The following SMAP1 variants were observed in gnomAD, a reference collection of about 807,000 sequenced individuals.
SMAP1 encodes small ArfGAP 1, also known as stromal membrane-associated protein 1.
A neutral mutation model predicts 58.5 loss-of-function variants in SMAP1; 24 were observed. The ratio of observed to expected loss-of-function variants is 0.41; its 90% CI spans 0.30 to 0.58. The LOEUF (loss-of-function observed/expected upper bound fraction) is 0.58. SMAP1 is among the 20% of genes least tolerant of loss of function. The pLI, the probability that SMAP1 is intolerant of heterozygous loss-of-function variation, is 0.29. For missense variants in SMAP1, 563 were observed against 566.3 expected, an observed-to-expected ratio of 0.99 and a Z score of 0.06; for synonymous variants, 216 against 196.6, an observed-to-expected ratio of 1.10 and a Z score of -0.82.
chr6:70,702,812 A>G (rs1227790339), intron 1 of SMAP1, among the ~76,000 whole-genome samples: 3 of 151,850 alleles, frequency 2.0e-5, no homozygotes, highest in Non-Finnish European at 4.4e-5. Context: ...TGTGTTTGTT[A>G]TAGAGACAGG....
intron 5 of SMAP1, among the ~76,000 whole-genome samples, chr6:70,795,815 G>A (rs919991824): frequency 1.3e-5 from 2 of 150,930 alleles, no homozygotes; most frequent in African/African-American, 4.9e-5. Flanking sequence ...TCAGCTCACT[G>A]CAACCTCCGC....
intron 6 of SMAP1, among the ~76,000 whole-genome samples, chr6:70,826,979 A>G (rs531266229): frequency 1.3e-5 from 2 of 151,172 alleles, no homozygotes; most frequent in South Asian, 2.1e-4. Flanking sequence ...AAAGAAAAAA[A>G]AAACCCCACA....
At chr6:70,770,121 G>A (rs955369541) in intron 3 of SMAP1, among the ~76,000 whole-genome samples, 3 of 151,902 alleles carry the variant, frequency 2.0e-5, no homozygotes, top group African/African-American at 7.3e-5. Flanking sequence ...GAGGTCAGCT[G>A]TTAGTCTGAT....
chr6:70,713,991 A>G (rs1190956602), intron 1 of SMAP1, among the ~76,000 whole-genome samples: 15 of 151,978 alleles, frequency 9.9e-5, no homozygotes, highest in Admixed American at 7.2e-4. Context: ...TCATTGTGTA[A>G]TGACCTTTTT....
intron 1 of SMAP1, chr6:70,694,195 TCTA>T (rs1196735583): frequency 3.2e-6 from 1 of 316,074 alleles, no homozygotes; most frequent in African/African-American, 2.3e-5. Context: ...TATAACTTGA[TCTA>T]CTGATGGATA....
At chr6:70,794,406 G>A (rs539009566) in intron 5 of SMAP1, among the ~76,000 whole-genome samples, 25 of 152,150 alleles carry the variant, frequency 1.6e-4, no homozygotes, top group Non-Finnish European at 3.7e-4. Context: ...GCCAGAATCA[G>A]AGTAGGTGAC....
At chr6:70,839,900 C>G (rs1770736825) in intron 7 of SMAP1, among the ~76,000 whole-genome samples, 1 of 152,116 alleles carries the variant, frequency 6.6e-6, no homozygotes, top group Non-Finnish European at 1.5e-5. Flanking sequence ...AATCAAAGGT[C>G]TCTTTCAGCT....
At chr6:70,790,705 C>G (rs1768313640) in intron 4 of SMAP1, among the ~76,000 whole-genome samples, 1 of 152,104 alleles carries the variant, frequency 6.6e-6, no homozygotes, top group Admixed American at 6.5e-5. Context: ...AACTTAATAA[C>G]AAGCAGATTG....
At chr6:70,744,891 T>C (rs533798255) in intron 2 of SMAP1, among the ~76,000 whole-genome samples, 1 of 152,350 alleles carries the variant, frequency 6.6e-6, no homozygotes, top group Non-Finnish European at 1.5e-5. Flanking sequence ...GGTATCTCAT[T>C]GTGGTTTTGA....
intron 1 of SMAP1, among the ~76,000 whole-genome samples, chr6:70,701,142 G>A (rs945435113): frequency 6.6e-6 from 1 of 152,096 alleles, no homozygotes; most frequent in Non-Finnish European, 1.5e-5. Context: ...TGCCCCAGCT[G>A]GTATCTCAGC....
intron 7 of SMAP1, among the ~76,000 whole-genome samples, chr6:70,841,112 T>C (rs552652798): frequency 7.9e-5 from 12 of 152,274 alleles, no homozygotes; most frequent in African/African-American, 2.9e-4. Flanking sequence ...TCAATGGGGC[T>C]CATTTTTAGA....
At chr6:70,856,716 G>A in intron 8 of SMAP1, 143 bp from the exon 9 acceptor site, 1 of 738,090 alleles carries the variant, frequency 1.4e-6, no homozygotes, top group East Asian at 2.8e-5. Context: ...GGGCTTGTAA[G>A]TGATCCTCTT....
chr6:70,728,291 T>C (rs1285210331), intron 1 of SMAP1, among the ~76,000 whole-genome samples: 1 of 152,168 alleles, frequency 6.6e-6, no homozygotes, highest in Non-Finnish European at 1.5e-5. Flanking sequence ...AAATATATCA[T>C]TTCTGTTTAC....
At chr6:70,750,666 G>A (rs991801958) in intron 2 of SMAP1, among the ~76,000 whole-genome samples, 4 of 152,138 alleles carry the variant, frequency 2.6e-5, no homozygotes, top group Admixed American at 2.6e-4. Context: ...GATGCTTTGG[G>A]CTGGTGATGT....
At chr6:70,821,124 G>A (rs1244820764) in intron 6 of SMAP1, among the ~76,000 whole-genome samples, 1 of 151,894 alleles carries the variant, frequency 6.6e-6, no homozygotes, top group Non-Finnish European at 1.5e-5. Context: ...AAATTAAGAG[G>A]ATTATTAAAA....
chr6:70,761,788 A>G (rs1449259912), intron 3 of SMAP1, among the ~76,000 whole-genome samples: 4 of 152,126 alleles, frequency 2.6e-5, no homozygotes, highest in Non-Finnish European at 1.5e-5. Flanking sequence ...TACTGGTTTT[A>G]TCCCCATTTT....
At chr6:70,744,832 CTGT>C (rs1258549643) in intron 2 of SMAP1, among the ~76,000 whole-genome samples, 1 of 152,208 alleles carries the variant, frequency 6.6e-6, no homozygotes, top group Non-Finnish European at 1.5e-5. Flanking sequence ...TCTCCAGCAC[CTGT>C]TGTTTCCTGA....
chr6:70,837,686 TTTTTTCTTC>T, intron 7 of SMAP1: 1 of 672,014 alleles, frequency 1.5e-6, no homozygotes, highest in Non-Finnish European at 1.9e-6. Context: ...TTTTTTACAT[TTTTTTCTTC>T]TAAAAGAATT....
At chr6:70,703,694 A>G (rs118005767) in intron 1 of SMAP1, among the ~76,000 whole-genome samples, 3,596 of 152,282 alleles carry the variant, frequency 0.024, 52 homozygotes, top group Non-Finnish European at 0.037. Flanking sequence ...ACGTGCACCA[A>G]TCAGTACTCA....
Sources: allele counts gnomAD v4.1 joint callset (sites outside exome capture counted in the v4.1 genomes callset), GRCh38; gene constraint gnomAD v4.1.1; transcripts MANE v1.5; gene names NCBI Gene and HGNC (gene_info 2026-07-23, HGNC 2026-07-21).